SRRM4: variants seen among roughly 807,000 people sequenced by gnomAD.
SRRM4 encodes serine/arginine repetitive matrix 4, also known as serine/arginine repetitive matrix protein 4.
SRRM4 carries 33 observed loss-of-function variants against 68.9 expected under a neutral mutation model. The observed-to-expected ratio is 0.48, with a 90% CI of 0.36 to 0.64. The LOEUF is 0.64. SRRM4 is among the 30% of genes least tolerant of loss of function. The probability of loss-of-function intolerance (pLI) is 0.00; values close to 1 mark genes in which losing one functional copy is unlikely to be tolerated. For synonymous variants in SRRM4, 318 were observed against 318.8 expected (o/e 1.00, Z 0.03); for missense variants, 817 against 827.1 (o/e 0.99, Z 0.15).
At chr12:119,080,712 T>A (rs1390916550) in intron 1 of SRRM4, among the ~76,000 whole-genome samples, 1 of 152,122 alleles carries the variant, frequency 6.6e-6, no homozygotes, top group Non-Finnish European at 1.5e-5. Context: ...CTGGGAGCAA[T>A]TACCATTGCA....
At chr12:119,122,370 G>A (rs567442485) in intron 6 of SRRM4, among the ~76,000 whole-genome samples, 4 of 152,028 alleles carry the variant, frequency 2.6e-5, no homozygotes, top group Admixed American at 6.5e-5. Flanking sequence ...GCATAACTGC[G>A]TGTGTTGTAG....
rs568890420 is a variant in SRRM4 at position 119,043,801 on chromosome 12, C to T, written c.132-58435C>T. On this transcript the variant is annotated intron_variant, in intron 1 of 12. Coordinates refer to ENST00000267260, the MANE Select transcript of SRRM4 (RefSeq NM_194286.4). ...ACACACACACACACACACACACACA[C>T]ACACACAAGTCTTGGGCATCTCCTG... Among the ~76,000 whole-genome samples the T allele has an allele frequency of 9.9e-5, 15 of 152,012 alleles. No individual in the cohort carries two copies. The South Asian group carries it at 3.1e-3, about 32-fold the overall frequency.
At chr12:119,110,182 T>C (rs1477987708) in intron 2 of SRRM4, among the ~76,000 whole-genome samples, 1 of 152,190 alleles carries the variant, frequency 6.6e-6, no homozygotes, top group African/African-American at 2.4e-5. Context: ...ATCCTTCCTC[T>C]GGAATCTTCG....
At chr12:119,120,636 T>C (rs1954213643) in intron 5 of SRRM4, among the ~76,000 whole-genome samples, 1 of 152,164 alleles carries the variant, frequency 6.6e-6, no homozygotes, top group African/African-American at 2.4e-5. Flanking sequence ...CAGGGCCAAG[T>C]CCTCGTATAC....
intron 1 of SRRM4, among the ~76,000 whole-genome samples, chr12:119,042,370 C>T (rs552780983): frequency 4.6e-5 from 7 of 151,814 alleles, no homozygotes; most frequent in Non-Finnish European, 1.0e-4. Flanking sequence ...GGAGAGGCAG[C>T]GACAGAGAAA....
In SRRM4 at chr12:119,147,131, C is replaced by T. The variant is rs191171506; in HGVS notation, c.1076+1446C>T. 1.1e-4 allele frequency among the ~76,000 whole-genome samples: 16 copies of T among 152,098 alleles called. No homozygotes were observed. The East Asian group carries it at 2.9e-3, about 27-fold the overall frequency. On this transcript the variant is annotated intron_variant, in intron 9 of 12. Coordinates refer to ENST00000267260, the MANE Select transcript of SRRM4 (RefSeq NM_194286.4). Reference sequence around the variant, plus strand: ...AGACAATGGAATGCTATTCAGTGCTCGGAAGGTATGAGGTACCACGCTATG... The same window carrying T: ...AGACAATGGAATGCTATTCAGTGCTTGGAAGGTATGAGGTACCACGCTATG...
At chr12:119,085,516 A>G (rs1381023495) in intron 1 of SRRM4, among the ~76,000 whole-genome samples, 1 of 152,246 alleles carries the variant, frequency 6.6e-6, no homozygotes, top group Non-Finnish European at 1.5e-5. Context: ...CAAGGCCTTC[A>G]GATGGTTTGA....
At chr12:119,078,126 T>C (rs1414563498) in intron 1 of SRRM4, among the ~76,000 whole-genome samples, 1 of 152,162 alleles carries the variant, frequency 6.6e-6, no homozygotes, top group Non-Finnish European at 1.5e-5. Flanking sequence ...GGGATGTACG[T>C]TATTCACGTG....
intron 1 of SRRM4, among the ~76,000 whole-genome samples, chr12:119,010,695 T>A (rs116474560): frequency 0.01 from 1,545 of 152,338 alleles, 25 homozygotes; most frequent in African/African-American, 0.033. Context: ...GCTCTTGATG[T>A]CAACACTAAA....
intron 1 of SRRM4, among the ~76,000 whole-genome samples, chr12:119,076,691 A>T (rs1953918385): frequency 1.3e-5 from 2 of 152,230 alleles, no homozygotes; most frequent in Admixed American, 1.3e-4. Context: ...AACCACCCCA[A>T]GGAAGTGCAA....
intron 1 of SRRM4, among the ~76,000 whole-genome samples, chr12:118,994,733 C>T (rs1953338478): frequency 6.6e-6 from 1 of 152,216 alleles, no homozygotes; most frequent in Admixed American, 6.5e-5. Context: ...CCTCAGTGCC[C>T]TCATCTGTAA....
At chr12:119,139,397 G>A (rs1028539680) in intron 8 of SRRM4, among the ~76,000 whole-genome samples, 1 of 152,174 alleles carries the variant, frequency 6.6e-6, no homozygotes, top group African/African-American at 2.4e-5. Flanking sequence ...GGAGTGAATG[G>A]AGAGCTCTGC....
At chr12:119,044,726 A>G (rs777308597) in intron 1 of SRRM4, among the ~76,000 whole-genome samples, 1 of 152,144 alleles carries the variant, frequency 6.6e-6, no homozygotes, top group Non-Finnish European at 1.5e-5. Flanking sequence ...TATGGAAAAT[A>G]TCTAGAAAAA....
At chr12:119,013,754 T>G (rs903110579) in intron 1 of SRRM4, among the ~76,000 whole-genome samples, 1 of 152,232 alleles carries the variant, frequency 6.6e-6, no homozygotes, top group Non-Finnish European at 1.5e-5. Flanking sequence ...TATAATCAGG[T>G]TGTTTTCAGG....
chr12:119,030,328 T>G (rs1205996481), intron 1 of SRRM4, among the ~76,000 whole-genome samples: 2 of 152,160 alleles, frequency 1.3e-5, no homozygotes, highest in Admixed American at 1.3e-4. Flanking sequence ...GTAGAGCTGT[T>G]GATGATATCA....
chr12:119,107,557 T>C (rs1954114899), intron 2 of SRRM4, among the ~76,000 whole-genome samples: 1 of 152,230 alleles, frequency 6.6e-6, no homozygotes, highest in South Asian at 2.1e-4. Flanking sequence ...GGAGGGTCTA[T>C]GTGTCCAGGA....
chr12:119,099,570 AAAC>A (rs764318853), intron 1 of SRRM4, among the ~76,000 whole-genome samples: 80 of 152,360 alleles, frequency 5.3e-4, no homozygotes, highest in Non-Finnish European at 1.0e-3. Flanking sequence ...TTTTGGCTGA[AAAC>A]AACAACAAAC....
At chr12:118,998,986 G>T (rs1427971128) in intron 1 of SRRM4, among the ~76,000 whole-genome samples, 3 of 152,158 alleles carry the variant, frequency 2.0e-5, no homozygotes, top group Non-Finnish European at 4.4e-5. Flanking sequence ...GTTTAAGGTT[G>T]GGCATGACTA....
At chr12:119,135,297 G>A (rs1472697508) in intron 8 of SRRM4, among the ~76,000 whole-genome samples, 1 of 152,150 alleles carries the variant, frequency 6.6e-6, no homozygotes, top group African/African-American at 2.4e-5. Flanking sequence ...ATTCTAGAAG[G>A]AGGCTGATCA....
Sources: allele counts gnomAD v4.1 joint callset (sites outside exome capture counted in the v4.1 genomes callset), GRCh38; gene constraint gnomAD v4.1.1; transcripts MANE v1.5; gene names NCBI Gene and HGNC (gene_info 2026-07-23, HGNC 2026-07-21).